LIPA: variants seen among roughly 807,000 people sequenced by gnomAD.
The protein encoded by LIPA is lysosomal acid lipase/cholesteryl ester hydrolase.
LIPA carries 26 observed loss-of-function variants against 40.6 expected under a neutral mutation model. The observed-to-expected ratio is 0.64, with a 90% CI of 0.47 to 0.89. LIPA has a LOEUF of 0.89. Ranked by LOEUF, LIPA falls within the 40% of genes least tolerant of loss-of-function variation. The pLI, the probability that LIPA is intolerant of heterozygous loss-of-function variation, is 0.00. For missense variants in LIPA, 455 were observed against 479.6 expected (o/e 0.95, Z 0.48); for synonymous variants, 188 against 168.4 (o/e 1.12, Z -0.90).
chr10:89,399,003 C>T (rs922922352), intron 2 of LIPA, among the ~76,000 whole-genome samples: 3 of 151,962 alleles, frequency 2.0e-5, no homozygotes, highest in African/African-American at 7.3e-5. Flanking sequence ...TAGCAGTGCA[C>T]ATTTCTCTAG....
chr10:89,393,261 G>T (rs1844284484), intron 2 of LIPA: 1 of 1,289,740 alleles, frequency 7.8e-7, no homozygotes, highest in Non-Finnish European at 1.0e-6. Context: ...CTGCACTGCT[G>T]GCCTCTTACA....
intron 1 of LIPA, chr10:89,340,902 AATACC>A (rs1035996610): frequency 6.6e-6 from 1 of 152,248 alleles, no homozygotes; most frequent in African/African-American, 2.4e-5. Flanking sequence ...TCTTGATAGC[AATACC>A]ATAATCAATG....
At chr10:89,323,041 G>A (rs1843580414) in intron 1 of LIPA, among the ~76,000 whole-genome samples, 1 of 152,166 alleles carries the variant, frequency 6.6e-6, no homozygotes, top group Non-Finnish European at 1.5e-5. Context: ...CTTGTAGCCA[G>A]GCAAGCCATG....
At chr10:89,269,749 T>C (rs909371404) in intron 1 of LIPA, among the ~76,000 whole-genome samples, 2 of 152,246 alleles carry the variant, frequency 1.3e-5, no homozygotes, top group Non-Finnish European at 2.9e-5. Flanking sequence ...TAACTGACTC[T>C]CCATACTTTG....
At chr10:89,301,681 T>C (rs1218829373) in intron 1 of LIPA, among the ~76,000 whole-genome samples, 1 of 152,250 alleles carries the variant, frequency 6.6e-6, no homozygotes, top group African/African-American at 2.4e-5. Context: ...TCTGTGTATA[T>C]CTTTAACAGT....
intron 1 of LIPA, chr10:89,283,639 G>T (rs1299638809): frequency 6.6e-6 from 1 of 152,202 alleles, no homozygotes; most frequent in East Asian, 1.9e-4. Context: ...TGCCCAGCCA[G>T]AAAGATTAAA....
At chr10:89,228,176 A>G (rs765880437) in intron 4 of LIPA, 24 bp downstream of exon 4, 2 of 1,591,184 alleles carry the variant, frequency 1.3e-6, no homozygotes, top group Non-Finnish European at 1.7e-6. Flanking sequence ...AAATACATCC[A>G]TGCCATTATC....
intron 2 of LIPA, chr10:89,402,224 CT>C (rs1163482569): frequency 2.6e-6 from 3 of 1,152,462 alleles, no homozygotes; most frequent in Admixed American, 2.2e-5. Flanking sequence ...TTTTATCTGA[CT>C]TTTTTCTTTT....
rs75907876 is a variant in LIPA, at chr10:89,263,179, T to C, written c.-1-15530A>G. Among the ~76,000 whole-genome samples the C allele has an allele frequency of 9.0e-3, 1,376 of 152,340 alleles. 14 individuals carry two copies. The highest frequency in any genetic ancestry group is 0.032 in the African/African-American group (1,314 of 41,586). The stretch of plus-strand genomic sequence containing the variant: ...CGCCTCCAAGACTCCCTCAGTGAAC[T>C]TTCTTAAATGAACTGCAAGCCTATT... On this transcript the variant is annotated intron_variant, in intron 1 of 5. Coordinates refer to the LIPA transcript ENST00000282673.
Position 89,228,303 on chromosome 10 carries a change from C to A in LIPA, c.325G>T (p.Ala109Ser). Residue 109 changes from alanine to serine, a missense_variant, in exon 4 of 10, where the codon GCT (alanine) becomes TCT (serine). Ala to Ser is a moderately conservative substitution (Grantham distance 99, BLOSUM62 1). Coordinates refer to ENST00000336233, the MANE Select transcript of LIPA (RefSeq NM_000235.4). ...LANSSLGFIL[A>S]DAGFDVWMGN... Reference sequence around the variant, plus strand: ...ATCCACACGTCAAAACCAGCATCAGCAAGAATGAAGCCCAGGCTGCTGTTG... The same window carrying A: ...ATCCACACGTCAAAACCAGCATCAGAAAGAATGAAGCCCAGGCTGCTGTTG... The A allele has an allele frequency of 6.2e-7, 1 of 1,614,182 alleles. No individual in the cohort carries two copies. Among genetic ancestry groups the A allele is most frequent in the Middle Eastern group, 1.6e-4 (1 of 6,062 alleles).
At chr10:89,269,472 CTAAT>C (rs1362480889) in intron 1 of LIPA, among the ~76,000 whole-genome samples, 1 of 151,020 alleles carries the variant, frequency 6.6e-6, no homozygotes, top group African/African-American at 2.4e-5. Flanking sequence ...TTTTTTTGCT[CTAAT>C]TAATATTTTA....
chr10:89,388,598 G>C (rs562633224), intron 2 of LIPA, among the ~76,000 whole-genome samples: 1 of 152,230 alleles, frequency 6.6e-6, no homozygotes, highest in South Asian at 2.1e-4. Context: ...AAAAAATCCA[G>C]TGTACCTGGG....
chr10:89,346,653 G>A (rs1482260547), upstream of LIPA, among the ~76,000 whole-genome samples: 2 of 152,274 alleles, frequency 1.3e-5, no homozygotes, highest in South Asian at 4.1e-4. Flanking sequence ...ATTGACTCCA[G>A]TCTGACGCAA....
intron 1 of LIPA, among the ~76,000 whole-genome samples, chr10:89,268,980 T>G (rs1344263745): frequency 1.2e-5 from 1 of 84,218 alleles, no homozygotes; most frequent in Non-Finnish European, 2.2e-5. Context: ...AGACAGACTC[T>G]GTCTCAAAAA....
chr10:89,359,410 T>C (rs1438139759), intron 2 of LIPA, among the ~76,000 whole-genome samples: 1 of 151,926 alleles, frequency 6.6e-6, no homozygotes, highest in Non-Finnish European at 1.5e-5. Context: ...TACTAAGAGG[T>C]TCCTATTTTT....
chr10:89,307,064 A>C, intron 1 of LIPA: 4 of 1,614,102 alleles, frequency 2.5e-6, no homozygotes, highest in Non-Finnish European at 3.4e-6. Flanking sequence ...TCCTGTAGCG[A>C]AACAACTGCT....
intron 2 of LIPA, among the ~76,000 whole-genome samples, chr10:89,410,621 G>A (rs1484145055): frequency 1.3e-5 from 2 of 152,226 alleles, no homozygotes; most frequent in African/African-American, 4.8e-5. Flanking sequence ...CCTTAGAACT[G>A]GGAAAGGAAA....
At chr10:89,343,072 T>C (rs1843886444), upstream of LIPA, among the ~76,000 whole-genome samples, 1 of 152,154 alleles carries the variant, frequency 6.6e-6, no homozygotes, top group Non-Finnish European at 1.5e-5. Flanking sequence ...AGGAGGTAGG[T>C]AATACCTCTC....
At chr10:89,327,908 A>G in intron 1 of LIPA, 1 of 595,844 alleles carries the variant, frequency 1.7e-6, no homozygotes, top group South Asian at 2.2e-5. Flanking sequence ...CTTCCCCTAA[A>G]AGCAATTACT....
Sources: allele counts gnomAD v4.1 joint callset (sites outside exome capture counted in the v4.1 genomes callset), GRCh38; gene constraint gnomAD v4.1.1; transcripts MANE v1.5; gene names NCBI Gene and HGNC (gene_info 2026-07-23, HGNC 2026-07-21).